The following SYNE3 variants were observed in gnomAD, a reference collection of about 807,000 sequenced individuals.
SYNE3 encodes the protein spectrin repeat containing nuclear envelope family member 3.
A neutral mutation model predicts 111.2 loss-of-function variants in SYNE3; 100 were observed. The ratio of observed to expected loss-of-function variants is 0.90; its 90% CI spans 0.77 to 1.06. The LOEUF (loss-of-function observed/expected upper bound fraction) is 1.06, where lower values mean the gene tolerates loss of function less well. Ranked by LOEUF, SYNE3 falls within the 50% of genes least tolerant of loss-of-function variation. The pLI is 0.00. For synonymous variants in SYNE3, 547 were observed against 533.9 expected (o/e 1.02, Z -0.34); for missense variants, 1,160 against 1,240.3 (o/e 0.94, Z 0.97).
At chr14:95,465,880 G>A (rs1888130981) in intron 4 of SYNE3, 51 bp downstream of exon 4, 12 of 1,516,336 alleles carry the variant, frequency 7.9e-6, no homozygotes, top group Non-Finnish European at 1.1e-5. Flanking sequence ...AGATAAGGGT[G>A]GATACATGGA....
rs1903458595 is a variant in SYNE3 at position 95,412,428 on chromosome 14, C to G, written c.*5398G>C. On this transcript the variant is annotated 3_prime_UTR_variant, in exon 18 of 18. Transcript: ENST00000682763. ...CTGAGGGCAGGGACTGGGCTTTGTT[C>G]ACCCCGAATCTCCCAGCACAAAGCC... 1 of 152,278 alleles carries G rather than the reference C, an allele frequency of 6.6e-6. No homozygotes were observed. The highest frequency in any genetic ancestry group is 1.5e-5 in the Non-Finnish European group (1 of 68,080). The allele number at this position is 152,278 out of a possible 1,614,324, so 9.4% of individuals were successfully genotyped here.
At chr14:95,477,627 G>A (rs1051719187) in intron 1 of SYNE3, among the ~76,000 whole-genome samples, 2 of 152,318 alleles carry the variant, frequency 1.3e-5, no homozygotes, top group East Asian at 3.9e-4. Flanking sequence ...GCCATCAGAC[G>A]CGTGCTGGGC....
At chr14:95,454,197 T>C (rs1410794969) in intron 6 of SYNE3, among the ~76,000 whole-genome samples, 2 of 152,250 alleles carry the variant, frequency 1.3e-5, no homozygotes, top group African/African-American at 4.8e-5. Flanking sequence ...GGGGGATGGA[T>C]CCACTGATGT....
At chr14:95,484,771 T>C (rs1889453861) in intron 1 of SYNE3, among the ~76,000 whole-genome samples, 1 of 152,252 alleles carries the variant, frequency 6.6e-6, no homozygotes, top group Non-Finnish European at 1.5e-5. Context: ...GGATAAATAC[T>C]GTTTCATGAG....
At chr14:95,429,166 G>C (rs1004047493) in intron 17 of SYNE3, among the ~76,000 whole-genome samples, 4 of 152,224 alleles carry the variant, frequency 2.6e-5, no homozygotes, top group African/African-American at 9.7e-5. Flanking sequence ...ATGTGTCGTT[G>C]CTCCCTTCGC....
chr14:95,496,714 A>G (rs541507286), intron 1 of SYNE3, among the ~76,000 whole-genome samples: 25 of 152,374 alleles, frequency 1.6e-4, no homozygotes, highest in Non-Finnish European at 3.2e-4. Context: ...AGCTCAGAAT[A>G]TTCTATGGAG....
chr14:95,455,327 C>T lies in SYNE3; in HGVS notation c.1137+50G>A, dbSNP rs556239777. The T allele has an allele frequency of 2.1e-6, 3 of 1,438,886 alleles. No individual in the cohort carries two copies. In the African/African-American group the frequency reaches 4.3e-5, roughly 20 times the overall value. The allele number at this position is 1,438,886 out of a possible 1,614,324, so 89.1% of individuals were successfully genotyped here. On this transcript the variant is annotated intron_variant, in intron 6 of 17. Transcript: ENST00000682763. ...CAGAGGAGGTCTGAGTGCCAGGACC[C>T]TGGGCACAGACAGCACCCTGGGCTC... is the stretch of plus-strand genomic sequence containing the variant.
chr14:95,490,187 C>A (rs184999597), intron 1 of SYNE3, among the ~76,000 whole-genome samples: 2 of 152,208 alleles, frequency 1.3e-5, no homozygotes, highest in Non-Finnish European at 2.9e-5. Flanking sequence ...AGAGGCCCTG[C>A]CCTATCCCAA....
chr14:95,426,547 C>A (rs547272201), intron 17 of SYNE3, among the ~76,000 whole-genome samples: 31 of 152,178 alleles, frequency 2.0e-4, no homozygotes, highest in African/African-American at 7.2e-4. Flanking sequence ...CACACGTGTT[C>A]CCAGCACAGT....
intron 15 of SYNE3, among the ~76,000 whole-genome samples, chr14:95,434,606 C>T (rs925489053): frequency 6.6e-6 from 1 of 152,232 alleles, no homozygotes. Flanking sequence ...AAGGTCCCTA[C>T]TCGCCTGGCA....
chr14:95,444,469 C>A lies in SYNE3; in HGVS notation c.1776+16G>T, dbSNP rs752718635. 90 of 1,595,932 alleles carry A rather than the reference C, an allele frequency of 5.6e-5. No homozygotes were observed. Among genetic ancestry groups the A allele is most frequent in the Middle Eastern group, 4.2e-4 (2 of 4,718 alleles). ...GCACCTGGGCAGGAGTGATTCAGGC[C>A]TCACAGACCCCTCACCTGCAACCTT... On this transcript the variant is annotated intron_variant, in intron 10 of 17. Coordinates refer to ENST00000682763, the MANE Select transcript of SYNE3 (RefSeq NM_152592.6).
chr14:95,408,893 C>T lies in SYNE3; in HGVS notation c.*8933G>A, dbSNP rs1903356572. The T allele has an allele frequency of 5.7e-6, 2 of 348,198 alleles. No homozygotes were observed. The highest frequency in any genetic ancestry group is 2.1e-5 in the African/African-American group (1 of 46,596). The allele number at this position is 348,198 out of a possible 1,614,324, so 21.6% of individuals were successfully genotyped here. A position where few individuals can be genotyped will look rare whatever the true frequency, so the allele number is the denominator to read the frequency against. On this transcript the variant is annotated 3_prime_UTR_variant, in exon 18 of 18. Coordinates refer to ENST00000682763, the MANE Select transcript of SYNE3 (RefSeq NM_152592.6). ...CCTGCCCCCGCAAGGGCTGGCCTGT[C>T]CGTGCTTTTCCAGTGGGAAGGTAGA...
At chr14:95,480,895 C>G (rs938540346) in intron 1 of SYNE3, among the ~76,000 whole-genome samples, 1 of 152,252 alleles carries the variant, frequency 6.6e-6, no homozygotes, top group Non-Finnish European at 1.5e-5. Flanking sequence ...AAAGGCAGCC[C>G]CAGCCCATCT....
At position 95,467,930 on chromosome 14, in the gene SYNE3, A is replaced by G. The variant is rs1236474905; in HGVS notation, c.182T>C (p.Val61Ala). The change falls in exon 3 of 18, where the codon GTG (valine) becomes GCG (alanine). Residue 61 changes from valine to alanine, a missense_variant. Coordinates refer to ENST00000682763, the MANE Select transcript of SYNE3 (RefSeq NM_152592.6). ...CQLEPEGRVR[V>A]DLVLRMAEAL... is the part of the protein sequence containing the mutation. ...TTCAGCCATCCGTAGCACGAGGTCC[A>G]CCCTCACACGCCCCTCGGGCTCCAG... The G allele has an allele frequency of 6.2e-7, 1 of 1,613,784 alleles. No individual in the cohort carries two copies. Among genetic ancestry groups the G allele is most frequent in the Non-Finnish European group, 8.5e-7 (1 of 1,179,814 alleles).
In SYNE3 at chr14:95,485,503, A is replaced by G. The variant is rs1889498032; in HGVS notation, c.-14-9668T>C. On this transcript the variant is annotated intron_variant, in intron 1 of 17. Coordinates refer to ENST00000682763, the MANE Select transcript of SYNE3 (RefSeq NM_152592.6). The surrounding 1 kb of genome is among the most constrained non-coding windows in gnomAD (Gnocchi z 4.3). ...CGGCTGCTCCCCGACCAAAGACAGG[A>G]CGCCCTAACCTACAGGTGCTAGGAG... Among the ~76,000 whole-genome samples, 1 of 152,068 alleles carries G rather than the reference A, an allele frequency of 6.6e-6. No homozygotes were observed. The highest frequency in any genetic ancestry group is 2.1e-4 in the South Asian group (1 of 4,828).
rs1280908282 is a variant in SYNE3, at chr14:95,416,058, T to C, written c.*1768A>G. 6.6e-5 allele frequency: 10 copies of C among 152,034 alleles called. No individual in the cohort carries two copies. The highest frequency in any genetic ancestry group is 2.2e-4 in the African/African-American group (9 of 41,376). 9.4% of individuals were successfully genotyped at this position (152,034 alleles called of 1,614,324 possible). A position where few individuals can be genotyped will look rare whatever the true frequency, so the allele number is the denominator to read the frequency against. On this transcript the variant is annotated 3_prime_UTR_variant, in exon 18 of 18. Transcript: ENST00000682763. ...GCCAGGCTTGTGGATGGAAATATAG[T>C]GCCCAAGTCACATTCTGCTTAAAGT...
chr14:95,458,118 C>T lies in SYNE3; in HGVS notation c.628-780G>A, dbSNP rs905902348. On this transcript the variant is annotated intron_variant, in intron 4 of 17. Transcript: ENST00000682763. ...AACAGTGGTGTCCTGCTATGAGCCC[C>T]CACTGTACTCCCAGAGACTAGGTTT... Among the ~76,000 whole-genome samples, 6 of 152,196 alleles carry T rather than the reference C, an allele frequency of 3.9e-5. No individual in the cohort carries two copies. The South Asian group carries it at 1.0e-3, about 26-fold the overall frequency.
At chr14:95,483,160 T>C (rs1467309312) in intron 1 of SYNE3, among the ~76,000 whole-genome samples, 4 of 152,182 alleles carry the variant, frequency 2.6e-5, no homozygotes, top group Non-Finnish European at 5.9e-5. Context: ...ACTCCAGCCC[T>C]GTGCCAACCC....
Position 95,414,745 on chromosome 14 carries a change from C to CTTT in SYNE3, c.*3080_*3081insAAA, listed in dbSNP as rs1310649016. ...CACACACACACACGCCACAGCGCCA[C>CTTT]CTTTCTCAAGTAGCACCTTAAAGCT... On this transcript the variant is annotated 3_prime_UTR_variant, in exon 18 of 18. Coordinates refer to ENST00000682763, the MANE Select transcript of SYNE3 (RefSeq NM_152592.6). The CTTT allele has an allele frequency of 6.6e-6, 1 of 150,832 alleles. No homozygotes were observed. Among genetic ancestry groups the CTTT allele is most frequent in the Non-Finnish European group, 1.5e-5 (1 of 68,172 alleles). 9.3% of individuals were successfully genotyped at this position (150,832 alleles called of 1,614,324 possible). A position where few individuals can be genotyped will look rare whatever the true frequency, so the allele number is the denominator to read the frequency against.
Sources: gnomAD v4.1 joint callset for allele counts (sites outside exome capture counted in the v4.1 genomes callset) on GRCh38, gnomAD v4.1.1 for gene constraint, Gnocchi (gnomAD v3.1) non-coding constraint, MANE v1.5 for transcripts, NCBI Gene and HGNC (gene_info 2026-07-23, HGNC 2026-07-21) for gene names.